The following DHX29 variants were observed in gnomAD, a reference collection of about 807,000 sequenced individuals.
DHX29 encodes the protein ATP-dependent RNA helicase DHX29.
In DHX29, 79 loss-of-function variants were observed where a neutral mutation model predicts 167.9. The ratio of observed to expected loss-of-function variants is 0.47; its 90% CI spans 0.39 to 0.57. The LOEUF (loss-of-function observed/expected upper bound fraction) is 0.57. Among genes scored for constraint, DHX29 ranks in the 20% least tolerant of loss-of-function variants. DHX29 has a pLI of 0.00. For missense variants in DHX29, 1,347 were observed against 1,593.4 expected, an observed-to-expected ratio of 0.85 and a Z score of 2.63; for synonymous variants, 530 against 546.0, an observed-to-expected ratio of 0.97 and a Z score of 0.41.
At position 55,283,769 on chromosome 5, in the gene DHX29, G is replaced by C; in HGVS notation, c.1399C>G (p.Leu467Val). Reference sequence around the variant, plus strand: ...TTCTTTTCTGCATCACTCCACTCCAGCCAAACATCTCGGTAAGTGGGAGGA... The same window carrying C: ...TTCTTTTCTGCATCACTCCACTCCACCCAAACATCTCGGTAAGTGGGAGGA... ...LLPPTYRDVW[L>V]EWSDAEKKRE... The change falls in exon 11 of 27, where the codon CTG becomes GTG. Residue 467 changes from leucine (L) to valine (V), a missense_variant. By Grantham distance (32) the Leu-to-Val change is conservative. This residue lies in a region of DHX29 where 882 missense variants were observed against 1,082.4 expected (regional missense o/e 0.81). Transcript: ENST00000251636. 1 of 1,608,454 alleles carries C rather than the reference G, an allele frequency of 6.2e-7. No homozygotes were observed. Among genetic ancestry groups the C allele is most frequent in the Non-Finnish European group, 8.5e-7 (1 of 1,177,838 alleles).
chr5:55,280,329 A>G (rs1193175692), intron 12 of DHX29, among the ~76,000 whole-genome samples: 1 of 152,186 alleles, frequency 6.6e-6, no homozygotes, highest in Non-Finnish European at 1.5e-5. Flanking sequence ...CCTGATCTAT[A>G]TTTACCAAGC....
rs781476091 is a variant in DHX29 at position 55,262,645 on chromosome 5, G to T, written c.3813C>A (p.Leu1271=). The change falls in exon 24 of 27, where the codon CTC becomes CTA. Residue 1271 remains leucine (L), a synonymous_variant. Coordinates refer to ENST00000251636, the MANE Select transcript of DHX29 (RefSeq NM_019030.4). ...VNRDLQTHGW[L]LYQEKIRYAR... ...AGTACTTCACCTTCTCCTGGTATAA[G>T]AGCCATCCATGAGTTTGCAAATCTC... The T allele has an allele frequency of 3.8e-5, 61 of 1,613,868 alleles. No individual in the cohort carries two copies. Among genetic ancestry groups the T allele is most frequent in the Admixed American group, 5.0e-5 (3 of 60,004 alleles).
At chr5:55,297,484 C>A in intron 2 of DHX29, 86 bp from the exon 3 acceptor site, 1 of 647,956 alleles carries the variant, frequency 1.5e-6, no homozygotes, top group Non-Finnish European at 2.7e-6. Context: ...ATATTCCTGC[C>A]AACCAAGCCC....
chr5:55,286,070 C>A (rs1747708911), intron 8 of DHX29, among the ~76,000 whole-genome samples: 1 of 151,968 alleles, frequency 6.6e-6, no homozygotes, highest in South Asian at 2.1e-4. Context: ...CTGGCTAACA[C>A]AGTGAAACCT....
intron 22 of DHX29, 47 bp downstream of exon 22, chr5:55,267,639 A>G: frequency 6.6e-7 from 1 of 1,523,568 alleles, no homozygotes; most frequent in Non-Finnish European, 8.9e-7. Flanking sequence ...TAAAGTAAAT[A>G]ACCTCAGGTA....
chr5:55,290,168 C>A (rs1359491546), intron 7 of DHX29, 50 bp downstream of exon 7: 44 of 1,568,848 alleles, frequency 2.8e-5, no homozygotes, highest in Non-Finnish European at 3.4e-5. Flanking sequence ...GGAAGGCCAA[C>A]AAATAGAAGA....
At chr5:55,307,047 G>C (rs1748905426) in intron 1 of DHX29, among the ~76,000 whole-genome samples, 1 of 152,194 alleles carries the variant, frequency 6.6e-6, no homozygotes, top group African/African-American at 2.4e-5. Context: ...ACTCCACTCA[G>C]TACTCGTCTT....
chr5:55,271,069 C>T (rs922635347), intron 18 of DHX29, among the ~76,000 whole-genome samples: 5 of 152,186 alleles, frequency 3.3e-5, no homozygotes, highest in African/African-American at 1.2e-4. Flanking sequence ...TTTCACGATA[C>T]AGTTAAACCC....
At chr5:55,289,461 TG>T in intron 7 of DHX29, 33 bp from the exon 8 acceptor site, 2 of 1,463,838 alleles carry the variant, frequency 1.4e-6, no homozygotes, top group Non-Finnish European at 1.8e-6. Flanking sequence ...TTTAGTTTCA[TG>T]GTTTTAAAAA....
intron 16 of DHX29, 41 bp downstream of exon 16, chr5:55,274,573 A>G: frequency 2.1e-6 from 3 of 1,419,438 alleles, no homozygotes; most frequent in Admixed American, 2.2e-5. Context: ...ATATTTTCCT[A>G]TTTTAAAACT....
chr5:55,277,002 C>A, intron 13 of DHX29, 104 bp downstream of exon 13: 1 of 753,516 alleles, frequency 1.3e-6, no homozygotes, highest in South Asian at 2.0e-5. Flanking sequence ...ACTCACTGTA[C>A]CTAGGAATAG....
Position 55,261,494 on chromosome 5 carries a change from C to G in DHX29, c.3834G>C (p.Arg1278Ser). The G allele has an allele frequency of 6.4e-7, 1 of 1,561,266 alleles. No individual in the cohort carries two copies. Among genetic ancestry groups the G allele is most frequent in the Non-Finnish European group, 8.8e-7 (1 of 1,139,920 alleles). ...TTTCTCTCAAATACACTCTGGCATA[C>G]CTTATCTACATGGGAAAAAGGGGGG... ...HGWLLYQEKI[R>S]YARVYLRETT... The change falls in exon 25 of 27, where the codon AGG becomes AGC. Residue 1278 changes from arginine (R) to serine (S), a missense_variant. Physicochemically the swap from Arg to Ser is moderately radical, Grantham distance 110 (BLOSUM62 -1). Coordinates refer to ENST00000251636, the MANE Select transcript of DHX29 (RefSeq NM_019030.4).
rs1746787216 is a variant in DHX29 at position 55,270,300 on chromosome 5, G to C, written c.3069+112C>G. 9 of 1,190,550 alleles carry C rather than the reference G, an allele frequency of 7.6e-6. No homozygotes were observed. In the South Asian group the frequency reaches 1.3e-4, roughly 17 times the overall value. The allele number at this position is 1,190,550 out of a possible 1,614,324, so 73.7% of individuals were successfully genotyped here. ...ATGGATAAGGGCATATATTAAAGAA[G>C]AGTAAAAAAGTTGAAAATCTAAAGC... On this transcript the variant is annotated intron_variant, in intron 20 of 26. Coordinates refer to ENST00000251636, the MANE Select transcript of DHX29 (RefSeq NM_019030.4).
intron 26 of DHX29, among the ~76,000 whole-genome samples, chr5:55,259,605 C>T (rs1312513936): frequency 6.6e-6 from 1 of 151,882 alleles, no homozygotes; most frequent in African/African-American, 2.4e-5. Context: ...TACAGGTGCC[C>T]GCCACCATGC....
chr5:55,259,790 GTATGTGTACACATACACA>G, intron 26 of DHX29, 40 bp downstream of exon 26: 2 of 953,592 alleles, frequency 2.1e-6, no homozygotes, highest in Non-Finnish European at 3.3e-6. Context: ...TAATACATAG[GTATGTGTACACATACACA>G]TATGTGTATA....
chr5:55,283,088 T>G, intron 11 of DHX29, 115 bp downstream of exon 11: 1 of 1,171,174 alleles, frequency 8.5e-7, no homozygotes. Context: ...AATGTGCTAC[T>G]GATCAACCAA....
intron 1 of DHX29, among the ~76,000 whole-genome samples, chr5:55,298,938 G>A (rs1222488351): frequency 6.7e-6 from 1 of 150,042 alleles, no homozygotes; most frequent in Non-Finnish European, 1.5e-5. Context: ...GCTGAGGCAG[G>A]AGAATGGCGT....
intron 4 of DHX29, 108 bp from the exon 5 acceptor site, chr5:55,295,632 T>A: frequency 9.3e-7 from 1 of 1,075,320 alleles, no homozygotes; most frequent in Non-Finnish European, 1.3e-6. Context: ...AGCACCTAAT[T>A]TTCTTCTATT....
At chr5:55,258,225 GTAT>G (rs1184944447) in intron 26 of DHX29, among the ~76,000 whole-genome samples, 2 of 152,260 alleles carry the variant, frequency 1.3e-5, no homozygotes, top group East Asian at 3.9e-4. Context: ...CAACTAGAAA[GTAT>G]TATTTTCCTC....
Sources: allele counts gnomAD v4.1 joint callset (sites outside exome capture counted in the v4.1 genomes callset), GRCh38; gene constraint gnomAD v4.1.1; regional missense constraint gnomAD v4.1.1; transcripts MANE v1.5; gene names NCBI Gene and HGNC (gene_info 2026-07-23, HGNC 2026-07-21).